Variants in RPP40 observed in about 807,000 individuals in gnomAD.
RPP40 encodes ribonuclease P/MRP subunit p40, also known as ribonuclease P protein subunit p40.
A neutral mutation model predicts 42.5 loss-of-function variants in RPP40; 30 were observed. The ratio of observed to expected loss-of-function variants is 0.71; its 90% CI spans 0.53 to 0.96. RPP40 has a LOEUF of 0.96. Ranked by LOEUF, RPP40 falls within the 40% of genes least tolerant of loss-of-function variation. The pLI, the probability that RPP40 is intolerant of heterozygous loss-of-function variation, is 0.00. For missense variants in RPP40, 426 were observed against 433.5 expected (o/e 0.98, Z 0.15); for synonymous variants, 173 against 164.0 (o/e 1.05, Z -0.42).
rs774918848 is a variant in RPP40 at position 4,996,350 on chromosome 6, T to C, written c.630A>G (p.Ala210=). ...YQIQEHQPKV[A]LSTLRDLQCP... ...ACTGGAGATCTCTCAACGTGCTCAG[T>C]GCTACTTTTGGCTGATGCTCCTGAA... The change falls in exon 6 of 8, where the codon GCA becomes GCG. Residue 210 remains alanine, a synonymous_variant. Transcript: ENST00000380051. 6.2e-7 allele frequency: 1 copy of C among 1,614,110 alleles called. No individual in the cohort carries two copies. The highest frequency in any genetic ancestry group is 8.5e-7 in the Non-Finnish European group (1 of 1,180,044).
chr6:4,998,072 T>C (rs569604298), intron 5 of RPP40, among the ~76,000 whole-genome samples: 256 of 152,300 alleles, frequency 1.7e-3, no homozygotes, highest in African/African-American at 5.7e-3. Context: ...ACACTTCCCA[T>C]GAGGAGCAGA....
chr6:4,997,750 G>A (rs1225097577), intron 5 of RPP40, among the ~76,000 whole-genome samples: 2 of 152,130 alleles, frequency 1.3e-5, no homozygotes, highest in Admixed American at 6.5e-5. Context: ...ATTAAGTCCT[G>A]TGTCTCTGAC....
intron 4 of RPP40, among the ~76,000 whole-genome samples, chr6:4,999,543 C>T (rs1047042057): frequency 1.3e-5 from 2 of 152,008 alleles, no homozygotes; most frequent in Non-Finnish European, 2.9e-5. Flanking sequence ...ATGATCCGCC[C>T]GCCTTGGCCT....
chr6:5,000,631 C>A lies in RPP40; in HGVS notation c.269G>T (p.Gly90Val). 1 of 1,577,594 alleles carries A rather than the reference C, an allele frequency of 6.3e-7. No homozygotes were observed. Among genetic ancestry groups the A allele is most frequent in the Non-Finnish European group, 8.7e-7 (1 of 1,149,000 alleles). Residue 90 changes from glycine to valine, a missense_variant and splice_region_variant, in exon 3 of 8, where the codon GGT becomes GTT. Physicochemically the swap from Gly to Val is moderately radical, Grantham distance 109. Transcript: ENST00000380051. ...PEFISTFIKKGSCYALTYNTH... is the reference protein window; with the variant it reads ...PEFISTFIKKVSCYALTYNTH... ...ATTGTATGTTAGTGCATAGCAAGAA[C>A]CTGGAAGAGAAAGTACAGAGGAAAA...
downstream of RPP40, among the ~76,000 whole-genome samples, chr6:4,991,081 A>C (rs915439990): frequency 5.3e-5 from 8 of 152,100 alleles, no homozygotes; most frequent in Non-Finnish European, 1.2e-4. Flanking sequence ...CAATTTAAAA[A>C]AATTTCCCCC....
At chr6:4,998,287 A>G (rs1297537987) in intron 5 of RPP40, among the ~76,000 whole-genome samples, 1 of 152,258 alleles carries the variant, frequency 6.6e-6, no homozygotes, top group Non-Finnish European at 1.5e-5. Context: ...CTAATCAATT[A>G]AAAGTTAGAA....
intron 2 of RPP40, 118 bp from the exon 3 acceptor site, chr6:5,000,749 C>T: frequency 2.9e-6 from 2 of 685,672 alleles, no homozygotes; most frequent in Non-Finnish European, 5.2e-6. Flanking sequence ...GTTTCTACCC[C>T]TGCTCCAGCT....
Position 5,000,601 on chromosome 6 carries a change from T to C in RPP40, c.299A>G (p.His100Arg), listed in dbSNP as rs1343242629. 1 of 1,595,806 alleles carries C rather than the reference T, an allele frequency of 6.3e-7. No homozygotes were observed. Among genetic ancestry groups the C allele is most frequent in the African/African-American group, 1.3e-5 (1 of 74,434 alleles). Residue 100 changes from histidine (H) to arginine (R), a missense_variant, in exon 3 of 8, where the codon CAT becomes CGT. Transcript: ENST00000380051. Reference sequence around the variant, plus strand: ...GGCAACAGTATTATCTTCATCAATATGTGTATTGTATGTTAGTGCATAGCA... The same window carrying C: ...GGCAACAGTATTATCTTCATCAATACGTGTATTGTATGTTAGTGCATAGCA... The part of the protein sequence containing the change: ...GSCYALTYNT[H>R]IDEDNTVALL...
rs147575887 is a variant in RPP40, at chr6:4,998,696, A to G, written c.559+20T>C. On this transcript the variant is annotated intron_variant, in intron 5 of 7. Transcript: ENST00000380051. ...TTACTTTCAAAATCACTGTATCATT[A>G]CATAATTTATTCCTCATACCTGTTT... 4.6e-3 allele frequency: 6,883 copies of G among 1,481,490 alleles called. 20 individuals are homozygous for G. Among genetic ancestry groups the G allele is most frequent in the Middle Eastern group, 0.015 (71 of 4,654 alleles). 91.8% of individuals were successfully genotyped at this position (1,481,490 alleles called of 1,614,324 possible). A position where few individuals can be genotyped will look rare whatever the true frequency, so the allele number is the denominator to read the frequency against.
intron 5 of RPP40, among the ~76,000 whole-genome samples, chr6:4,997,403 T>G (rs1190950457): frequency 2.0e-5 from 3 of 152,210 alleles, no homozygotes; most frequent in Non-Finnish European, 4.4e-5. Context: ...CCCCTGCCCT[T>G]GGACAGCAGA....
At chr6:5,002,343 C>G in intron 1 of RPP40, 98 bp from the exon 2 acceptor site, 1 of 1,031,058 alleles carries the variant, frequency 9.7e-7, no homozygotes. Context: ...GTTATTTCTC[C>G]ACGAGTTTCA....
Position 4,999,809 on chromosome 6 carries a change from T to G in RPP40, c.433A>C (p.Ile145Leu). The change falls in exon 4 of 8, where the codon ATT (isoleucine) becomes CTT (leucine). Residue 145 changes from isoleucine (I) to leucine (L), a missense_variant and splice_region_variant. Coordinates refer to ENST00000380051, the MANE Select transcript of RPP40 (RefSeq NM_006638.4). Reference protein sequence around the residue: ...QFSGRKIMKFIVSIDLMELSL... With the variant: ...QFSGRKIMKFLVSIDLMELSL... ...CAGATGGAACACACATGATACTTAC[T>G]AAATTTCATAATTTTTCTGCCAGAA... 6.5e-7 allele frequency: 1 copy of G among 1,541,680 alleles called. No homozygotes were observed.
chr6:4,998,524 C>T (rs997808750), intron 5 of RPP40, among the ~76,000 whole-genome samples, 192 bp downstream of exon 5: 1 of 152,174 alleles, frequency 6.6e-6, no homozygotes, highest in Non-Finnish European at 1.5e-5. Context: ...GAAAGGCCTG[C>T]GTGCCTACAT....
intron 5 of RPP40, among the ~76,000 whole-genome samples, chr6:4,996,774 C>A (rs369212170): frequency 2.0e-5 from 3 of 152,208 alleles, no homozygotes; most frequent in African/African-American, 7.2e-5. Context: ...AGGAGCTTAT[C>A]TGCACAACCT....
At chr6:4,991,250 A>T (rs1475757380), downstream of RPP40, among the ~76,000 whole-genome samples, 1 of 152,192 alleles carries the variant, frequency 6.6e-6, no homozygotes, top group Admixed American at 6.5e-5. Flanking sequence ...TTGTGGCCAG[A>T]CAACATACTT....
chr6:4,994,140 C>T (rs185336430), downstream of RPP40, among the ~76,000 whole-genome samples: 459 of 148,544 alleles, frequency 3.1e-3, 6 homozygotes, highest in African/African-American at 0.011. Context: ...AAAAATGGTT[C>T]TTCAGACAAA....
chr6:5,003,357 A>AG (rs1759635035), intron 1 of RPP40, among the ~76,000 whole-genome samples: 1 of 149,784 alleles, frequency 6.7e-6, no homozygotes, highest in Non-Finnish European at 1.5e-5. Flanking sequence ...AAAAAAAAAA[A>AG]AAAAAAAAAA....
chr6:5,003,813 C>G (rs1440860532), intron 1 of RPP40, 67 bp downstream of exon 1: 4 of 1,538,426 alleles, frequency 2.6e-6, no homozygotes, highest in East Asian at 4.8e-5. Context: ...GCCTAGCACT[C>G]TCCCCAAACC....
downstream of RPP40, among the ~76,000 whole-genome samples, chr6:4,992,608 T>C (rs1312924615): frequency 2.0e-5 from 3 of 152,216 alleles, no homozygotes; most frequent in African/African-American, 7.2e-5. Context: ...GTACATTTCT[T>C]GTAGGCAGAA....
Sources: allele counts gnomAD v4.1 joint callset (sites outside exome capture counted in the v4.1 genomes callset), GRCh38; gene constraint gnomAD v4.1.1; transcripts MANE v1.5; gene names NCBI Gene and HGNC (gene_info 2026-07-23, HGNC 2026-07-21).